The following MICAL3 variants were observed in gnomAD, a reference collection of about 807,000 sequenced individuals.
MICAL3 encodes microtubule associated monooxygenase, calponin and LIM domain containing 3.
In MICAL3, 62 loss-of-function variants were observed where a neutral mutation model predicts 207.4. The ratio of observed to expected loss-of-function variants is 0.30; its 90% confidence interval spans 0.24 to 0.37. The LOEUF (loss-of-function observed/expected upper bound fraction) is 0.37, where lower values mean the gene tolerates loss of function less well. Ranked by LOEUF, MICAL3 falls within the 10% of genes least tolerant of loss-of-function variation. The pLI is 1.00. For missense variants in MICAL3, 2,368 were observed against 2,635.6 expected, an observed-to-expected ratio of 0.90 and a Z score of 2.22; for synonymous variants, 1,077 against 1,069.3, an observed-to-expected ratio of 1.01 and a Z score of -0.14.
intron 1 of MICAL3, among the ~76,000 whole-genome samples, chr22:17,937,324 A>G (rs1190148861): frequency 6.6e-6 from 1 of 152,178 alleles, no homozygotes; most frequent in Non-Finnish European, 1.5e-5. Flanking sequence ...GGACAAGGCC[A>G]AAGTCTAGCT....
At chr22:17,915,633 T>C (rs1932447517) in intron 1 of MICAL3, among the ~76,000 whole-genome samples, 1 of 152,118 alleles carries the variant, frequency 6.6e-6, no homozygotes, top group Admixed American at 6.5e-5. Flanking sequence ...CTGTCGTCAC[T>C]GCCACAGAAC....
At chr22:17,816,530 G>A (rs563346027) in intron 27 of MICAL3, among the ~76,000 whole-genome samples, 160 bp downstream of exon 27, 2 of 152,228 alleles carry the variant, frequency 1.3e-5, no homozygotes, top group African/African-American at 2.4e-5. Context: ...CAGCGTGACC[G>A]CCTCAGTGCA....
chr22:17,956,647 C>A (rs1276696559), intron 1 of MICAL3, among the ~76,000 whole-genome samples: 3 of 152,140 alleles, frequency 2.0e-5, no homozygotes, highest in Non-Finnish European at 4.4e-5. Context: ...CCAGCCTGGG[C>A]ACAGCCGACT....
In MICAL3 at chr22:17,817,335, T is replaced by C. The variant is rs765792813; in HGVS notation, c.5326A>G (p.Arg1776Gly). 1.9e-6 allele frequency: 3 copies of C among 1,606,166 alleles called. No homozygotes were observed. The highest frequency in any genetic ancestry group is 2.5e-6 in the Non-Finnish European group (3 of 1,176,850). ...CCTGCCCTTACGACGGGAAGCACCC[T>C]GTGCTTTCCAGAGTCCACCGTGGCC... ...SGATVDSGKH[R>G]VLPVVRAELQ... The change falls in exon 26 of 32, where the codon AGG becomes GGG. Residue 1776 changes from arginine (R) to glycine (G), a missense_variant. Coordinates refer to ENST00000441493, the MANE Select transcript of MICAL3 (RefSeq NM_015241.3).
chr22:17,955,138 T>C lies in MICAL3; in HGVS notation c.-74-48252A>G, dbSNP rs569542957. On this transcript the variant is annotated intron_variant, in intron 1 of 31. Coordinates refer to ENST00000441493, the MANE Select transcript of MICAL3 (RefSeq NM_015241.3). ...TTGTTAAGGATTAAATGACAATGCA[T>C]TTAGCCACTGAGAATGTCCAGCACA... Among the ~76,000 whole-genome samples, 102 of 152,316 alleles carry C rather than the reference T, an allele frequency of 6.7e-4. 1 individual carries two copies. The highest frequency in any genetic ancestry group is 2.4e-3 in the African/African-American group (98 of 41,554).
chr22:17,814,808 C>T (rs533499253), intron 27 of MICAL3: 1 of 151,592 alleles, frequency 6.6e-6, no homozygotes, highest in Non-Finnish European at 1.5e-5. Flanking sequence ...TCGACTGTCC[C>T]GTAGGTCATC....
chr22:17,821,922 G>T, intron 24 of MICAL3, 108 bp downstream of exon 24: 1 of 1,381,316 alleles, frequency 7.2e-7, no homozygotes, highest in Non-Finnish European at 9.9e-7. Context: ...GGAGGCTGGT[G>T]TGCACCATGG....
intron 16 of MICAL3, among the ~76,000 whole-genome samples, chr22:17,877,511 T>TAGGGAGGTTAGGGAGGTG (rs1569110711): frequency 6.4e-5 from 4 of 62,636 alleles, no homozygotes; most frequent in South Asian, 4.2e-4. Flanking sequence ...TTATGGAGGT[T>TAGGGAGGTTAGGGAGGTG]AGGGAGGTTA....
chr22:17,879,906 G>A (rs565126645), intron 16 of MICAL3, among the ~76,000 whole-genome samples: 4 of 152,356 alleles, frequency 2.6e-5, no homozygotes, highest in African/African-American at 7.2e-5. Context: ...TTACTAAAGG[G>A]AGAAGTGAAT....
chr22:17,832,372 T>C (rs1246442225), intron 20 of MICAL3, among the ~76,000 whole-genome samples: 1 of 151,884 alleles, frequency 6.6e-6, no homozygotes, highest in Non-Finnish European at 1.5e-5. Context: ...GTGGATGGGG[T>C]AGGGAGGGGA....
chr22:18,017,674 C>T (rs1924149340), intron 1 of MICAL3, among the ~76,000 whole-genome samples: 1 of 149,452 alleles, frequency 6.7e-6, no homozygotes. Context: ...CAACCTCTGC[C>T]TCCCGGGTTC....
rs187248108 is a variant in MICAL3 at position 17,959,917 on chromosome 22, T to C, written c.-74-53031A>G. On this transcript the variant is annotated intron_variant, in intron 1 of 31. Coordinates refer to ENST00000441493, the MANE Select transcript of MICAL3 (RefSeq NM_015241.3). ...CTGAAGGAACTGAACTCATTTGACA[T>C]GGACGAAAAGCTCATGATACCTTCC... Among the ~76,000 whole-genome samples the C allele has an allele frequency of 2.0e-3, 309 of 152,278 alleles. 2 individuals carry two copies. The highest frequency in any genetic ancestry group is 3.5e-3 in the Non-Finnish European group (241 of 68,022).
intron 29 of MICAL3, among the ~76,000 whole-genome samples, chr22:17,806,758 T>C (rs2061993319): frequency 7.5e-6 from 1 of 132,620 alleles, no homozygotes; most frequent in Non-Finnish European, 1.6e-5. Context: ...AGAGGTCTGC[T>C]GCTAGTTTTT....
chr22:17,853,354 C>T (rs1399983156), intron 19 of MICAL3, among the ~76,000 whole-genome samples: 1 of 152,204 alleles, frequency 6.6e-6, no homozygotes, highest in Non-Finnish European at 1.5e-5. Flanking sequence ...TTCTGCTTCC[C>T]CCAGCTTCTG....
At chr22:17,825,396 TGAGCCACGTGCTATGAAAGCCAG>T (rs1922069432) in intron 22 of MICAL3, among the ~76,000 whole-genome samples, 2 of 152,154 alleles carry the variant, frequency 1.3e-5, no homozygotes, top group Non-Finnish European at 2.9e-5. Flanking sequence ...CGCAGGTTGA[TGAGCCACGTGCTATGAAAGCCAG>T]GAGCCACTGA....
intron 19 of MICAL3, among the ~76,000 whole-genome samples, chr22:17,847,793 G>A (rs1924792024): frequency 1.3e-5 from 2 of 152,218 alleles, no homozygotes; most frequent in Admixed American, 1.3e-4. Flanking sequence ...TGACTCTGAA[G>A]AAAGATCAAC....
At chr22:18,012,561 C>T (rs1339183660) in intron 1 of MICAL3, among the ~76,000 whole-genome samples, 2 of 152,246 alleles carry the variant, frequency 1.3e-5, no homozygotes, top group Admixed American at 6.5e-5. Flanking sequence ...TTGATTCCCT[C>T]AGCTCCCAGG....
intron 29 of MICAL3, among the ~76,000 whole-genome samples, chr22:17,808,389 C>T (rs2062009630): frequency 6.6e-6 from 1 of 152,238 alleles, no homozygotes; most frequent in African/African-American, 2.4e-5. Flanking sequence ...GCTCCCCGAC[C>T]AGCGGTGTTG....
At chr22:17,984,481 C>A (rs1175420940) in intron 1 of MICAL3, among the ~76,000 whole-genome samples, 2 of 152,224 alleles carry the variant, frequency 1.3e-5, no homozygotes, top group African/African-American at 2.4e-5. Flanking sequence ...GTGGCCTGTG[C>A]CACCCACAGC....
Sources: gnomAD v4.1 joint callset for allele counts (sites outside exome capture counted in the v4.1 genomes callset) on GRCh38, gnomAD v4.1.1 for gene constraint, MANE v1.5 for transcripts, NCBI Gene and HGNC (gene_info 2026-07-23, HGNC 2026-07-21) for gene names.